Variants in ST6GALNAC5 observed in about 807,000 individuals in gnomAD.
ST6GALNAC5 encodes the protein ST6 N-acetylgalactosaminide alpha-2,6-sialyltransferase 5.
ST6GALNAC5 carries 27 observed loss-of-function variants against 33.6 expected under a neutral mutation model. The ratio of observed to expected loss-of-function variants is 0.80; its 90% CI spans 0.59 to 1.11. The LOEUF is 1.11. Ranked by LOEUF, ST6GALNAC5 falls within the 50% of genes least tolerant of loss-of-function variation. The pLI is 0.00. For synonymous variants in ST6GALNAC5, 194 were observed against 171.2 expected, an observed-to-expected ratio of 1.13 and a Z score of -1.04; for missense variants, 428 against 454.0, an observed-to-expected ratio of 0.94 and a Z score of 0.52.
intron 2 of ST6GALNAC5, among the ~76,000 whole-genome samples, chr1:76,879,338 G>A (rs1205939115): frequency 2.6e-5 from 4 of 152,078 alleles, no homozygotes; most frequent in Admixed American, 6.6e-5. Context: ...AACTCCCTGA[G>A]CTGCAGTATT....
At chr1:76,927,726 G>A (rs1161241563) in intron 2 of ST6GALNAC5, among the ~76,000 whole-genome samples, 1 of 151,480 alleles carries the variant, frequency 6.6e-6, no homozygotes, top group African/African-American at 2.4e-5. Flanking sequence ...TTCCTTATTT[G>A]TAGGGTCCCC....
chr1:76,904,306 G>A (rs1646844705), intron 2 of ST6GALNAC5, among the ~76,000 whole-genome samples: 1 of 151,292 alleles, frequency 6.6e-6, no homozygotes, highest in South Asian at 2.1e-4. Flanking sequence ...AAAGGGAAAG[G>A]GACTCAAATT....
chr1:77,004,328 G>A (rs1291279652), intron 2 of ST6GALNAC5, among the ~76,000 whole-genome samples: 38 of 148,610 alleles, frequency 2.6e-4, no homozygotes, highest in Non-Finnish European at 4.5e-4. Context: ...CTCGAGCCTT[G>A]GTTTTCAGCT....
intron 2 of ST6GALNAC5, among the ~76,000 whole-genome samples, chr1:77,042,694 A>G (rs1333836223): frequency 1.3e-5 from 2 of 152,234 alleles, no homozygotes. Context: ...GATCACTATG[A>G]CAATCCTATG....
rs1256658291 is a variant in ST6GALNAC5 at position 77,050,302 on chromosome 1, C to T, written c.716C>T (p.Thr239Ile). ...CTCAGCACTGGCTGGTTTACAATGA[C>T]AATTGCACTGGAGCTCTGTGACAGG... ...TWLSTGWFTM[T>I]IALELCDRIN... Residue 239 changes from threonine to isoleucine, a missense_variant, in exon 4 of 5, where the codon ACA (threonine) becomes ATA (isoleucine). Physicochemically the swap from Thr to Ile is moderately conservative, Grantham distance 89 (BLOSUM62 -1). Coordinates refer to ENST00000477717, the MANE Select transcript of ST6GALNAC5 (RefSeq NM_030965.3). 1 of 1,613,958 alleles carries T rather than the reference C, an allele frequency of 6.2e-7. No homozygotes were observed. Among genetic ancestry groups the T allele is most frequent in the Non-Finnish European group, 8.5e-7 (1 of 1,179,958 alleles).
intron 2 of ST6GALNAC5, among the ~76,000 whole-genome samples, chr1:76,905,374 G>A (rs1187379181): frequency 6.6e-6 from 1 of 152,102 alleles, no homozygotes; most frequent in Non-Finnish European, 1.5e-5. Flanking sequence ...CTTAACGTCA[G>A]GTTAACAATG....
intron 2 of ST6GALNAC5, among the ~76,000 whole-genome samples, chr1:76,887,302 T>C (rs566144174): frequency 6.6e-6 from 1 of 152,354 alleles, no homozygotes; most frequent in African/African-American, 2.4e-5. Context: ...GTGTAAGTAA[T>C]GATATAATTT....
At position 76,868,342 on chromosome 1, in the gene ST6GALNAC5, C is replaced by A. The variant is rs975752784; in HGVS notation, c.16-155C>A. On this transcript the variant is annotated intron_variant, in intron 1 of 4. Transcript: ENST00000477717. This position sits in a 1 kb window ranked among gnomAD's most constrained non-coding sequence, Gnocchi z 4.3. ...CCTTGCGATACGCTAGGGGACGGTG[C>A]TTTCTCTGTCCCAGTTGCGTGCGGC... is the stretch of plus-strand genomic sequence containing the variant. Among the ~76,000 whole-genome samples, 1 of 152,072 alleles carries A rather than the reference C, an allele frequency of 6.6e-6. No individual in the cohort carries two copies. Among genetic ancestry groups the A allele is most frequent in the African/African-American group, 2.4e-5 (1 of 41,440 alleles).
intron 2 of ST6GALNAC5, among the ~76,000 whole-genome samples, chr1:76,949,891 A>T (rs1647676945): frequency 6.6e-6 from 1 of 152,140 alleles, no homozygotes; most frequent in South Asian, 2.1e-4. Context: ...GTACCTTTGC[A>T]CCTGTCGCTG....
rs1375045315 is a variant in ST6GALNAC5 at position 77,065,875 on chromosome 1, G to C, written c.*2669G>C. Among the ~76,000 whole-genome samples, 1 of 152,148 alleles carries C rather than the reference G, an allele frequency of 6.6e-6. No individual in the cohort carries two copies. The highest frequency in any genetic ancestry group is 1.9e-4 in the East Asian group (1 of 5,190). On this transcript the variant is annotated 3_prime_UTR_variant, in exon 5 of 5. Coordinates refer to ENST00000477717, the MANE Select transcript of ST6GALNAC5 (RefSeq NM_030965.3). ...CCACAGTAATACAATGCCACAGCTG[G>C]TCGATCCATGGCTTCTGTTATTTCA...
chr1:76,900,608 G>C (rs866161715), intron 2 of ST6GALNAC5, among the ~76,000 whole-genome samples: 1 of 152,140 alleles, frequency 6.6e-6, no homozygotes, highest in Admixed American at 6.5e-5. Flanking sequence ...TTGATACCTA[G>C]TCAAAGCAGT....
At chr1:77,040,624 C>T (rs1651801199) in intron 2 of ST6GALNAC5, among the ~76,000 whole-genome samples, 1 of 152,166 alleles carries the variant, frequency 6.6e-6, no homozygotes, top group African/African-American at 2.4e-5. Flanking sequence ...GTTTCACCTG[C>T]CAACCAGTCT....
chr1:76,893,178 T>C (rs1654049781), intron 2 of ST6GALNAC5, among the ~76,000 whole-genome samples: 1 of 151,940 alleles, frequency 6.6e-6, no homozygotes, highest in Non-Finnish European at 1.5e-5. Context: ...CAGAAGAAAT[T>C]TTAGCATAGA....
At chr1:76,934,422 A>G (rs1382789032) in intron 2 of ST6GALNAC5, among the ~76,000 whole-genome samples, 5 of 152,074 alleles carry the variant, frequency 3.3e-5, no homozygotes, top group Non-Finnish European at 7.4e-5. Context: ...CTCCTTCTAG[A>G]AAAGCTGAAT....
intron 2 of ST6GALNAC5, among the ~76,000 whole-genome samples, chr1:76,880,076 G>C (rs1177927654): frequency 6.6e-6 from 1 of 152,148 alleles, no homozygotes; most frequent in African/African-American, 2.4e-5. Flanking sequence ...GAATCCCTGA[G>C]TTCATCATTT....
At chr1:76,902,579 A>G (rs1371067365) in intron 2 of ST6GALNAC5, among the ~76,000 whole-genome samples, 1 of 152,152 alleles carries the variant, frequency 6.6e-6, no homozygotes, top group African/African-American at 2.4e-5. Context: ...AGCCAAAACA[A>G]TCTTTAAAAA....
intron 2 of ST6GALNAC5, among the ~76,000 whole-genome samples, chr1:76,883,169 A>G (rs1653821642): frequency 6.6e-6 from 1 of 152,224 alleles, no homozygotes; most frequent in Non-Finnish European, 1.5e-5. Context: ...TACCCACAGG[A>G]AAATCAGTGG....
At chr1:76,958,573 A>G (rs1211186151) in intron 2 of ST6GALNAC5, among the ~76,000 whole-genome samples, 1 of 152,178 alleles carries the variant, frequency 6.6e-6, no homozygotes, top group Non-Finnish European at 1.5e-5. Flanking sequence ...TGGATCAAGA[A>G]CACTGTCTTC....
intron 2 of ST6GALNAC5, among the ~76,000 whole-genome samples, chr1:77,001,414 G>A (rs1294007958): frequency 2.4e-5 from 3 of 124,520 alleles, no homozygotes; most frequent in South Asian, 6.4e-4. Flanking sequence ...GGGTTTTCTA[G>A]ATATACAATC....
Sources: allele counts gnomAD v4.1 joint callset (sites outside exome capture counted in the v4.1 genomes callset), GRCh38; gene constraint gnomAD v4.1.1; non-coding constraint Gnocchi (gnomAD v3.1); transcripts MANE v1.5; gene names NCBI Gene and HGNC (gene_info 2026-07-23, HGNC 2026-07-21).